The following PTPRT variants were observed in gnomAD, a reference collection of about 807,000 sequenced individuals.
PTPRT encodes the protein protein tyrosine phosphatase receptor type T.
PTPRT carries 56 observed loss-of-function variants against 176.8 expected under a neutral mutation model. That is an observed-to-expected ratio of 0.32 (90% CI 0.26 to 0.40). PTPRT has a LOEUF of 0.40. PTPRT is among the 10% of genes least tolerant of loss of function. The probability of loss-of-function intolerance (pLI) is 1.00; values close to 1 mark genes in which losing one functional copy is unlikely to be tolerated. For synonymous variants in PTPRT, 783 were observed against 739.0 expected, an observed-to-expected ratio of 1.06 and a Z score of -0.96; for missense variants, 1,540 against 1,908.2, an observed-to-expected ratio of 0.81 and a Z score of 3.60.
At chr20:42,951,217 G>A (rs184508387) in intron 1 of PTPRT, among the ~76,000 whole-genome samples, 26 of 152,204 alleles carry the variant, frequency 1.7e-4, no homozygotes, top group Admixed American at 5.9e-4. Flanking sequence ...GTAGATGGAT[G>A]GGTGGGTATA....
intron 9 of PTPRT, among the ~76,000 whole-genome samples, chr20:42,376,225 A>T (rs1418661717): frequency 6.6e-6 from 1 of 152,218 alleles, no homozygotes; most frequent in Non-Finnish European, 1.5e-5. Context: ...TTCCCACAGC[A>T]GAAAGGAGAG....
Position 42,524,403 on chromosome 20 carries a change from C to A in PTPRT, c.1154-51841G>T, listed in dbSNP as rs149950357. 3.4e-3 allele frequency among the ~76,000 whole-genome samples: 518 copies of A among 152,260 alleles called. 2 individuals carry two copies. Among genetic ancestry groups the A allele is most frequent in the African/African-American group, 0.012 (478 of 41,544 alleles). On this transcript the variant is annotated intron_variant, in intron 7 of 30. Coordinates refer to ENST00000373187, the MANE Select transcript of PTPRT (RefSeq NM_007050.6). ...CCTTTCTCTTACCCATACTATCAAC[C>A]ATGTATGCAATTTAAGGTTTGTTTC...
At chr20:42,199,433 C>T in intron 15 of PTPRT, 45 bp from the exon 16 acceptor site, 2 of 1,597,816 alleles carry the variant, frequency 1.3e-6, no homozygotes, top group South Asian at 2.3e-5. Context: ...CAGATGGTGC[C>T]AGTTGCATTA....
chr20:42,766,840 T>G (rs1336457036), intron 5 of PTPRT, among the ~76,000 whole-genome samples: 1 of 152,210 alleles, frequency 6.6e-6, no homozygotes, highest in Non-Finnish European at 1.5e-5. Flanking sequence ...TTAGTGAAAT[T>G]CCTCAGCATA....
chr20:42,205,395 G>A (rs76547889), intron 15 of PTPRT, among the ~76,000 whole-genome samples: 1 of 152,134 alleles, frequency 6.6e-6, no homozygotes, highest in South Asian at 2.1e-4. Context: ...TGAATCTGTG[G>A]CTGTTAGAAG....
chr20:42,586,901 G>A (rs2073480246), intron 7 of PTPRT, among the ~76,000 whole-genome samples: 1 of 152,132 alleles, frequency 6.6e-6, no homozygotes, highest in African/African-American at 2.4e-5. Context: ...GCACCAAGCT[G>A]GTCATGCCAC....
intron 26 of PTPRT, among the ~76,000 whole-genome samples, chr20:42,101,891 C>T (rs1600511429): frequency 2.0e-5 from 3 of 152,342 alleles, no homozygotes; most frequent in Admixed American, 2.0e-4. Context: ...CCACCTTACG[C>T]TTCTGGTCTA....
At chr20:42,276,524 T>C (rs1190792445) in intron 13 of PTPRT, among the ~76,000 whole-genome samples, 4 of 39,600 alleles carry the variant, frequency 1.0e-4, no homozygotes, top group African/African-American at 3.4e-4. Context: ...TATATATATA[T>C]ATATATATAT....
chr20:42,223,009 CG>C (rs1186090297), intron 15 of PTPRT, among the ~76,000 whole-genome samples: 2 of 152,024 alleles, frequency 1.3e-5, no homozygotes, highest in African/African-American at 4.8e-5. Flanking sequence ...AGCTGGTGTC[CG>C]CTGCTTGATG....
chr20:42,266,444 G>A (rs1225456263), intron 13 of PTPRT, among the ~76,000 whole-genome samples: 1 of 152,178 alleles, frequency 6.6e-6, no homozygotes, highest in Non-Finnish European at 1.5e-5. Flanking sequence ...CAGGAGGGAT[G>A]TGAAAAGAGG....
At chr20:42,794,286 T>A (rs1416461624) in intron 2 of PTPRT, among the ~76,000 whole-genome samples, 1 of 152,018 alleles carries the variant, frequency 6.6e-6, no homozygotes, top group African/African-American at 2.4e-5. Flanking sequence ...CCAGGCCTGG[T>A]TGGTAAAAGC....
intron 1 of PTPRT, among the ~76,000 whole-genome samples, chr20:43,179,110 C>A (rs2015187550): frequency 6.6e-6 from 1 of 152,204 alleles, no homozygotes; most frequent in Non-Finnish European, 1.5e-5. Flanking sequence ...GTCTGGTCAG[C>A]CCATTTAGAT....
intron 1 of PTPRT, among the ~76,000 whole-genome samples, chr20:43,075,292 T>C (rs1366981945): frequency 6.6e-6 from 1 of 152,256 alleles, no homozygotes; most frequent in African/African-American, 2.4e-5. Context: ...CAAGTGCATA[T>C]GGCCTGTTTT....
chr20:42,116,923 C>A (rs1031459249), intron 21 of PTPRT, among the ~76,000 whole-genome samples: 4 of 152,160 alleles, frequency 2.6e-5, no homozygotes, highest in African/African-American at 9.7e-5. Context: ...TGGAATTTGC[C>A]TCTGAATCCC....
intron 1 of PTPRT, among the ~76,000 whole-genome samples, chr20:43,082,962 C>G (rs998768266): frequency 1.3e-5 from 2 of 152,092 alleles, no homozygotes; most frequent in Non-Finnish European, 2.9e-5. Context: ...TCACCCTTCC[C>G]TAATTCGTAT....
At chr20:42,128,728 G>T in intron 19 of PTPRT, 26 bp downstream of exon 19, 1 of 1,545,152 alleles carries the variant, frequency 6.5e-7, no homozygotes. Flanking sequence ...GCCAGCCCCA[G>T]CCCCCAGCCC....
chr20:42,854,802 C>T (rs1258612946), intron 2 of PTPRT, among the ~76,000 whole-genome samples: 1 of 152,148 alleles, frequency 6.6e-6, no homozygotes, highest in African/African-American at 2.4e-5. Flanking sequence ...CAAGGGATTG[C>T]CTTCTTTGCA....
At chr20:42,937,080 G>C (rs1980233863) in intron 1 of PTPRT, among the ~76,000 whole-genome samples, 1 of 152,164 alleles carries the variant, frequency 6.6e-6, no homozygotes, top group Admixed American at 6.5e-5. Context: ...TGCGCAGTGG[G>C]AATCTCGGCT....
intron 3 of PTPRT, among the ~76,000 whole-genome samples, chr20:42,782,293 C>T (rs556228385): frequency 2.0e-5 from 3 of 152,230 alleles, no homozygotes; most frequent in African/African-American, 7.2e-5. Context: ...ATACACTCTC[C>T]CTTCAACAGC....
Sources: allele counts gnomAD v4.1 joint callset (sites outside exome capture counted in the v4.1 genomes callset), GRCh38; gene constraint gnomAD v4.1.1; transcripts MANE v1.5; gene names NCBI Gene and HGNC (gene_info 2026-07-23, HGNC 2026-07-21).